The following KLRG1 variants were observed in gnomAD, a reference collection of about 807,000 sequenced individuals.
KLRG1 encodes killer cell lectin-like receptor subfamily G member 1.
Under a neutral mutation model 21.8 loss-of-function variants are expected in KLRG1, and 16 were observed. That is an observed-to-expected ratio of 0.73 (90% CI 0.50 to 1.11). The LOEUF is 1.11. KLRG1 is among the 50% of genes most tolerant of loss of function. The pLI is 0.00. For synonymous variants in KLRG1, 69 were observed against 75.9 expected (o/e 0.91, Z 0.47); for missense variants, 173 against 218.3 (o/e 0.79, Z 1.31).
At chr12:9,154,659 ATC>A in the KLRG1 span, 1 of 1,614,148 alleles carries the variant, frequency 6.2e-7, no homozygotes, top group Non-Finnish European at 8.5e-7. Context: ...CTGCTTCATG[ATC>A]CACTTCACAA....
At chr12:9,144,005 C>G in the KLRG1 span, among the ~76,000 whole-genome samples, 1 of 152,176 alleles carries the variant, frequency 6.6e-6, no homozygotes, top group East Asian at 1.9e-4. Flanking sequence ...TAGCCTAGTC[C>G]CACTGGTCCT....
chr12:9,076,763 C>T, the KLRG1 span: 1 of 1,613,786 alleles, frequency 6.2e-7, no homozygotes, highest in Non-Finnish European at 8.5e-7. Flanking sequence ...CACCTTTCTT[C>T]ACAGCTTCCT....
chr12:9,196,748 C>G, the KLRG1 span: 1 of 1,383,230 alleles, frequency 7.2e-7, no homozygotes. Context: ...ACTGAATCTA[C>G]TATTCTGTCT....
At chr12:9,021,062 A>G in the KLRG1 span, among the ~76,000 whole-genome samples, 1 of 152,224 alleles carries the variant, frequency 6.6e-6, no homozygotes, top group Non-Finnish European at 1.5e-5. Flanking sequence ...ACATCCAAGC[A>G]TAGAAAAAAT....
chr12:9,051,845 T>G, the KLRG1 span, among the ~76,000 whole-genome samples: 1 of 152,250 alleles, frequency 6.6e-6, no homozygotes, highest in African/African-American at 2.4e-5. Flanking sequence ...CTGCTCTGTT[T>G]TCTGTCCTAA....
the KLRG1 span, among the ~76,000 whole-genome samples, chr12:9,108,929 T>A: frequency 6.6e-6 from 1 of 152,332 alleles, no homozygotes; most frequent in Non-Finnish European, 1.5e-5. Flanking sequence ...TGTTGATGAT[T>A]GAATTTCCCC....
chr12:9,203,706 G>T, the KLRG1 span: 2 of 1,562,456 alleles, frequency 1.3e-6, no homozygotes, highest in South Asian at 1.1e-5. Context: ...CCATCACCAT[G>T]ACCTATAGAG....
At chr12:9,084,235 A>G in the KLRG1 span, among the ~76,000 whole-genome samples, 2,558 of 152,250 alleles carry the variant, frequency 0.017, 76 homozygotes, top group African/African-American at 0.059. Flanking sequence ...TTAATAATAC[A>G]AAAACACAAA....
the KLRG1 span, among the ~76,000 whole-genome samples, chr12:9,022,455 A>G: frequency 1.3e-5 from 2 of 152,204 alleles, no homozygotes; most frequent in African/African-American, 2.4e-5. Flanking sequence ...GCATGACTGT[A>G]TATATTTGGT....
the KLRG1 span, among the ~76,000 whole-genome samples, chr12:9,182,917 C>T: frequency 1.2e-4 from 18 of 152,188 alleles, no homozygotes; most frequent in Non-Finnish European, 2.4e-4. Flanking sequence ...TTCCTTTTCT[C>T]TACATCCCTC....
At chr12:9,095,850 C>G in the KLRG1 span, 3 of 613,088 alleles carry the variant, frequency 4.9e-6, no homozygotes. Flanking sequence ...AGCTCCGCTT[C>G]CCGGGTTCAC....
At chr12:8,991,916 T>C (rs897245588) in intron 1 of KLRG1, among the ~76,000 whole-genome samples, 2 of 152,180 alleles carry the variant, frequency 1.3e-5, no homozygotes, top group African/African-American at 4.8e-5. Context: ...TCCAAAGAGG[T>C]ACCAATTTGT....
the KLRG1 span, among the ~76,000 whole-genome samples, chr12:9,154,293 C>T: frequency 6.6e-6 from 1 of 152,130 alleles, no homozygotes; most frequent in Non-Finnish European, 1.5e-5. Flanking sequence ...CCTTTTACAA[C>T]GATGATGTGG....
intron 1 of KLRG1, among the ~76,000 whole-genome samples, chr12:8,991,818 G>A (rs1219420297): frequency 6.6e-6 from 1 of 151,908 alleles, no homozygotes; most frequent in Non-Finnish European, 1.5e-5. Flanking sequence ...GCACCCGCGA[G>A]TATCTGTAGG....
At chr12:9,004,491 T>G (rs1947408338) in intron 3 of KLRG1, among the ~76,000 whole-genome samples, 2 of 152,174 alleles carry the variant, frequency 1.3e-5, no homozygotes, top group Admixed American at 1.3e-4. Context: ...AAAAAAGAGA[T>G]GGGATCTTGC....
At chr12:9,054,055 C>T in the KLRG1 span, among the ~76,000 whole-genome samples, 2 of 152,176 alleles carry the variant, frequency 1.3e-5, no homozygotes, top group African/African-American at 4.8e-5. Context: ...ACTTGGTGCT[C>T]TGTGAACGTT....
At chr12:9,136,961 T>A in the KLRG1 span, among the ~76,000 whole-genome samples, 1 of 152,188 alleles carries the variant, frequency 6.6e-6, no homozygotes, top group African/African-American at 2.4e-5. Context: ...TGCAAATATT[T>A]TCTACCATTC....
At position 8,974,774 on chromosome 12, in the gene KLRG1, AT is replaced by A. The variant is rs908509662; in HGVS notation, c.-155-17428del. On this transcript the variant is annotated intron_variant, in intron 1 of 4. Transcript: ENST00000539240. Reference sequence around the variant, plus strand: ...TGCTGTTGTTATTTGGTTTACGGGTATTTTATTGAGGATTTTACATCTGTTT... The same window carrying A: ...TGCTGTTGTTATTTGGTTTACGGGTATTTATTGAGGATTTTACATCTGTTT... Among the ~76,000 whole-genome samples the A allele has an allele frequency of 5.9e-5, 9 of 152,096 alleles. No individual in the cohort carries two copies. The South Asian group carries it at 6.2e-4, about 11-fold the overall frequency.
At chr12:9,098,606 C>G in the KLRG1 span, 2 of 1,595,022 alleles carry the variant, frequency 1.3e-6, no homozygotes, top group Non-Finnish European at 1.7e-6. Flanking sequence ...CAGGAACTCA[C>G]CGAGGACGCC....
Sources: gnomAD v4.1 joint callset for allele counts (sites outside exome capture counted in the v4.1 genomes callset) on GRCh38, gnomAD v4.1.1 for gene constraint, MANE v1.5 for transcripts, NCBI Gene and HGNC (gene_info 2026-07-23, HGNC 2026-07-21) for gene names.